Variants in HYAL4 observed in about 807,000 individuals in gnomAD.
HYAL4 encodes the protein hyaluronidase-4.
HYAL4 carries 37 observed loss-of-function variants against 35.2 expected under a neutral mutation model. The observed-to-expected ratio is 1.05, with a 90% confidence interval of 0.81 to 1.38. The LOEUF (loss-of-function observed/expected upper bound fraction) is 1.38, where lower values mean the gene tolerates loss of function less well. Among genes scored for constraint, HYAL4 ranks in the 40% most tolerant of loss-of-function variants. The probability of loss-of-function intolerance (pLI) is 0.00; values close to 1 mark genes in which losing one functional copy is unlikely to be tolerated. For missense variants in HYAL4, 572 were observed against 572.4 expected (o/e 1.00, Z 0.01); for synonymous variants, 198 against 203.2 (o/e 0.97, Z 0.22).
intron 1 of HYAL4, among the ~76,000 whole-genome samples, chr7:123,834,248 C>A (rs918546220): frequency 2.0e-5 from 3 of 152,062 alleles, no homozygotes; most frequent in Non-Finnish European, 4.4e-5. Context: ...TTTGTGGCAT[C>A]TATGATTTCT....
the HYAL4 span, among the ~76,000 whole-genome samples, chr7:123,770,232 G>A: frequency 2.6e-5 from 4 of 151,850 alleles, no homozygotes; most frequent in South Asian, 2.1e-4. Context: ...GGCGGATCAC[G>A]AGGATAGAGA....
At chr7:123,840,451 G>C (rs942403847), upstream of HYAL4, among the ~76,000 whole-genome samples, 7 of 152,048 alleles carry the variant, frequency 4.6e-5, no homozygotes, top group African/African-American at 1.2e-4. Flanking sequence ...TTTTGCTTAG[G>C]ATTGTCTTGG....
intron 3 of HYAL4, among the ~76,000 whole-genome samples, chr7:123,871,214 T>A (rs530957227): frequency 6.6e-6 from 1 of 151,240 alleles, no homozygotes; most frequent in East Asian, 2.0e-4. Flanking sequence ...TTTTTTTAGA[T>A]GGAGTTTCCC....
the HYAL4 span, among the ~76,000 whole-genome samples, chr7:123,769,953 T>C: frequency 6.6e-6 from 1 of 151,928 alleles, no homozygotes; most frequent in Admixed American, 6.6e-5. Context: ...AAACGTGTGG[T>C]TATCAGCTTT....
chr7:123,839,010 T>C (rs780447319), intron 1 of HYAL4, among the ~76,000 whole-genome samples: 1 of 152,246 alleles, frequency 6.6e-6, no homozygotes, highest in Non-Finnish European at 1.5e-5. Context: ...TATTATACTT[T>C]AAGTTCTGGG....
intron 1 of HYAL4, among the ~76,000 whole-genome samples, chr7:123,838,585 A>G (rs1033032250): frequency 7.2e-5 from 11 of 152,064 alleles, no homozygotes; most frequent in Admixed American, 1.3e-4. Flanking sequence ...CTTCATCGTA[A>G]CTTTAGATAA....
At chr7:123,786,553 A>G in the HYAL4 span, among the ~76,000 whole-genome samples, 5 of 152,224 alleles carry the variant, frequency 3.3e-5, no homozygotes, top group African/African-American at 1.2e-4. Flanking sequence ...CAAATAGAAT[A>G]TTAAAAGTAT....
chr7:123,793,476 G>T, the HYAL4 span, among the ~76,000 whole-genome samples: 1 of 152,076 alleles, frequency 6.6e-6, no homozygotes, highest in Admixed American at 6.6e-5. Context: ...ATCTTGAATT[G>T]TTGTTTCCAT....
upstream of HYAL4, among the ~76,000 whole-genome samples, chr7:123,827,566 T>C (rs999301638): frequency 6.6e-6 from 1 of 152,152 alleles, no homozygotes; most frequent in African/African-American, 2.4e-5. Context: ...AGGAGTCCTG[T>C]CCTGACTAAA....
At chr7:123,857,666 T>TTTCC (rs1806475117) in intron 2 of HYAL4, among the ~76,000 whole-genome samples, 1 of 61,510 alleles carries the variant, frequency 1.6e-5, no homozygotes, top group African/African-American at 7.1e-5. Context: ...TCTTTCTTTG[T>TTTCC]TTGTTTCTTT....
chr7:123,809,906 A>C, the HYAL4 span, among the ~76,000 whole-genome samples: 1 of 152,224 alleles, frequency 6.6e-6, no homozygotes, highest in Non-Finnish European at 1.5e-5. Context: ...ATATGCCATC[A>C]GATCAAACTG....
exon 1 of HYAL4, chr7:123,828,984 A>G (rs998692725): frequency 3.3e-5 from 5 of 152,650 alleles, no homozygotes; most frequent in East Asian, 1.9e-4. Context: ...GCAGCAATCT[A>G]TCCGAGGGCC....
chr7:123,771,423 C>T, the HYAL4 span, among the ~76,000 whole-genome samples: 1 of 151,942 alleles, frequency 6.6e-6, no homozygotes, highest in East Asian at 1.9e-4. Context: ...GCTGTCTGTG[C>T]GTTGGATGTT....
chr7:123,807,675 A>G, the HYAL4 span, among the ~76,000 whole-genome samples: 4 of 151,242 alleles, frequency 2.6e-5, no homozygotes, highest in Non-Finnish European at 5.9e-5. Flanking sequence ...TCCTGAACTT[A>G]GGTGATCCAC....
chr7:123,806,579 G>A, the HYAL4 span, among the ~76,000 whole-genome samples: 1 of 151,914 alleles, frequency 6.6e-6, no homozygotes, highest in Non-Finnish European at 1.5e-5. Context: ...AAGTAGCTGG[G>A]ATTACAAGCA....
the HYAL4 span, among the ~76,000 whole-genome samples, chr7:123,823,829 C>T: frequency 1.3e-5 from 2 of 151,188 alleles, no homozygotes; most frequent in Admixed American, 6.6e-5. Context: ...ATAGTACATA[C>T]AAAATAACTC....
At chr7:123,806,711 C>T in the HYAL4 span, among the ~76,000 whole-genome samples, 2 of 151,910 alleles carry the variant, frequency 1.3e-5, no homozygotes, top group Non-Finnish European at 2.9e-5. Context: ...CCCAGCCTCC[C>T]AAAGTGCTGA....
upstream of HYAL4, among the ~76,000 whole-genome samples, chr7:123,827,661 G>C (rs373609052): frequency 7.2e-5 from 11 of 152,056 alleles, no homozygotes; most frequent in African/African-American, 2.4e-4. Context: ...ATGATCTTCA[G>C]AATTTGCTAT....
chr7:123,863,695 C>G (rs1398826575), intron 2 of HYAL4, among the ~76,000 whole-genome samples: 7 of 152,144 alleles, frequency 4.6e-5, no homozygotes, highest in African/African-American at 1.7e-4. Flanking sequence ...TAAAAGTGGC[C>G]TGGCTTTGTC....
Sources: allele counts gnomAD v4.1 joint callset (sites outside exome capture counted in the v4.1 genomes callset), GRCh38; gene constraint gnomAD v4.1.1; transcripts MANE v1.5; gene names NCBI Gene and HGNC (gene_info 2026-07-23, HGNC 2026-07-21).